CDC42EP5: variants seen among roughly 807,000 people sequenced by gnomAD.
The protein encoded by CDC42EP5 is CDC42 effector protein (Rho GTPase binding) 5.
For synonymous variants in CDC42EP5, 118 were observed against 123.3 expected, an observed-to-expected ratio of 0.96 and a Z score of 0.28; for missense variants, 269 against 238.0, an observed-to-expected ratio of 1.13 and a Z score of -0.86.
chr19:54,471,067 T>C (rs1251493145), intron 2 of CDC42EP5, among the ~76,000 whole-genome samples: 1 of 152,152 alleles, frequency 6.6e-6, no homozygotes, highest in African/African-American at 2.4e-5. Flanking sequence ...GGTTGAATTG[T>C]GTTTAAAGCA....
At chr19:54,467,068 G>C (rs1260496231) in intron 2 of CDC42EP5, among the ~76,000 whole-genome samples, 1 of 150,866 alleles carries the variant, frequency 6.6e-6, no homozygotes, top group Non-Finnish European at 1.5e-5. Flanking sequence ...TGGGATTACA[G>C]GCATGAGCCA....
chr19:54,468,133 A>G (rs999017028), intron 2 of CDC42EP5, among the ~76,000 whole-genome samples: 3 of 152,226 alleles, frequency 2.0e-5, no homozygotes, highest in African/African-American at 7.2e-5. Flanking sequence ...AGTGCTAACC[A>G]ATGGGTAATG....
At chr19:54,466,234 G>A (rs1353912370) in intron 2 of CDC42EP5, among the ~76,000 whole-genome samples, 1 of 152,058 alleles carries the variant, frequency 6.6e-6, no homozygotes, top group Non-Finnish European at 1.5e-5. Context: ...CTTGAGGCCA[G>A]GAGTTCGAGA....
chr19:54,470,444 A>C (rs1170893971), intron 2 of CDC42EP5, among the ~76,000 whole-genome samples: 1 of 150,090 alleles, frequency 6.7e-6, no homozygotes, highest in East Asian at 1.9e-4. Context: ...AGAGGGAGGG[A>C]AAAAAGGAAG....
chr19:54,466,937 T>TC (rs2084762829), intron 2 of CDC42EP5, among the ~76,000 whole-genome samples: 1 of 150,076 alleles, frequency 6.7e-6, no homozygotes, highest in African/African-American at 2.4e-5. Flanking sequence ...CCTGATCTTT[T>TC]TTTTTTTTTT....
chr19:54,465,691 A>C, intron 2 of CDC42EP5, 144 bp from the exon 3 acceptor site: 1 of 1,067,588 alleles, frequency 9.4e-7, no homozygotes, highest in East Asian at 3.3e-5. Flanking sequence ...GCTGGAGTTC[A>C]ATGGCGCCAT....
At position 54,465,038 on chromosome 19, in the gene CDC42EP5, C is replaced by T. The variant is rs1299416227; in HGVS notation, c.*63G>A. The T allele has an allele frequency of 3.2e-6, 4 of 1,241,092 alleles. No individual in the cohort carries two copies. Among genetic ancestry groups the T allele is most frequent in the Non-Finnish European group, 3.1e-6 (3 of 976,660 alleles). 76.9% of individuals were successfully genotyped at this position (1,241,092 alleles called of 1,614,324 possible). A position where few individuals can be genotyped will look rare whatever the true frequency, so the allele number is the denominator to read the frequency against. On this transcript the variant is annotated 3_prime_UTR_variant, in exon 3 of 3. Coordinates refer to ENST00000301200, the MANE Select transcript of CDC42EP5 (RefSeq NM_145057.4). ...GAAAAGTCAGAGCCCGGGCACACAC[C>T]TTGGCCGTTTATGTATACAGAAGTG...
At chr19:54,470,824 G>A (rs2084825420) in intron 2 of CDC42EP5, among the ~76,000 whole-genome samples, 1 of 152,094 alleles carries the variant, frequency 6.6e-6, no homozygotes, top group African/African-American at 2.4e-5. Context: ...AGGAGACTAC[G>A]GGCATGCCAC....
chr19:54,465,555 G>A lies in CDC42EP5; in HGVS notation c.1-8C>T. 1.3e-6 allele frequency: 2 copies of A among 1,503,930 alleles called. No homozygotes were observed. The highest frequency in any genetic ancestry group is 2.7e-5 in the East Asian group (1 of 36,946). 93.2% of individuals were successfully genotyped at this position (1,503,930 alleles called of 1,614,324 possible). On this transcript the variant is annotated splice_polypyrimidine_tract_variant and splice_region_variant and intron_variant, in intron 2 of 2. Coordinates refer to ENST00000301200, the MANE Select transcript of CDC42EP5 (RefSeq NM_145057.4). The stretch of plus-strand genomic sequence containing the variant: ...CTGCTTCAGCACGGGCATCTGCGAG[G>A]GGCACGGGAGGGTCAGCGCGGCCCC...
At chr19:54,472,943 G>A (rs1209341878) in intron 1 of CDC42EP5, 121 bp downstream of exon 1, 1 of 74,356 alleles carries the variant, frequency 1.3e-5, no homozygotes. Context: ...TCAGACTCAT[G>A]AGTCCAGACC....
chr19:54,465,373 C>CG lies in CDC42EP5; in HGVS notation c.174dup (p.Glu59ArgfsTer?). On this transcript the variant is annotated frameshift_variant, in exon 3 of 3. Transcript: ENST00000301200. LOFTEE classifies it low-confidence loss of function (END_TRUNC). The stretch of plus-strand genomic sequence containing the variant: ...GCCCCCGCGGGGGGCGCCCGGGGCT[C>CG]GGGGGGCGGCCCGCCGCCGTGGCGG... 1 of 1,164,514 alleles carries CG rather than the reference C, an allele frequency of 8.6e-7. No individual in the cohort carries two copies. The highest frequency in any genetic ancestry group is 1.1e-6 in the Non-Finnish European group (1 of 944,608). The allele number at this position is 1,164,514 out of a possible 1,614,324, so 72.1% of individuals were successfully genotyped here.
chr19:54,465,535 T>C lies in CDC42EP5; in HGVS notation c.13A>G (p.Lys5Glu). 6.5e-7 allele frequency: 1 copy of C among 1,535,478 alleles called. No individual in the cohort carries two copies. The highest frequency in any genetic ancestry group is 8.7e-7 in the Non-Finnish European group (1 of 1,152,996). The change falls in exon 3 of 3, where the codon AAG becomes GAG. Residue 5 changes from lysine to glutamate, a missense_variant. By Grantham distance (56) the Lys-to-Glu change is moderately conservative. Transcript: ENST00000301200. MPVL[K>E]QLGPAQPKKR... ...TTGGGCTGCGCGGGGCCCAGCTGCT[T>C]CAGCACGGGCATCTGCGAGGGGCAC...
chr19:54,472,753 C>T (rs2084862784), intron 1 of CDC42EP5, among the ~76,000 whole-genome samples: 1 of 95,578 alleles, frequency 1.0e-5, no homozygotes, highest in East Asian at 3.5e-4. Context: ...TCCCTCAGAC[C>T]CAGGAGTCCA....
rs1491162621 is a variant in CDC42EP5, at chr19:54,468,922, T to TCCTTC, written c.-1+2622_-1+2623insGAAGG. Among the ~76,000 whole-genome samples the TCCTTC allele has an allele frequency of 1.8e-4, 27 of 148,614 alleles. 1 individual carries two copies. The highest frequency in any genetic ancestry group is 2.5e-4 in the Non-Finnish European group (17 of 67,116). On this transcript the variant is annotated intron_variant, in intron 2 of 2. Transcript: ENST00000301200. ...TTCCTTCCTTCCTTCCTTCCTTCCT[T>TCCTTC]CTTTCTTTCTTTTCTTCCCTCCCTC...
At chr19:54,470,405 G>A (rs550090487) in intron 2 of CDC42EP5, among the ~76,000 whole-genome samples, 14 of 142,316 alleles carry the variant, frequency 9.8e-5, no homozygotes, top group South Asian at 6.7e-4. Flanking sequence ...GAGAGAGAGA[G>A]AAAAAGAGAG....
chr19:54,466,586 G>A (rs2084758432), intron 2 of CDC42EP5, among the ~76,000 whole-genome samples: 1 of 152,190 alleles, frequency 6.6e-6, no homozygotes, highest in African/African-American at 2.4e-5. Context: ...GCCCAGGTGG[G>A]CTTTGCCTAG....
chr19:54,465,543 G>C lies in CDC42EP5; in HGVS notation c.5C>G (p.Pro2Arg). MPVLKQLGPAQP... is the reference protein window; with the variant it reads MRVLKQLGPAQP... ...CGCGGGGCCCAGCTGCTTCAGCACG[G>C]GCATCTGCGAGGGGCACGGGAGGGT... is the stretch of plus-strand genomic sequence containing the variant. Residue 2 changes from proline (P) to arginine (R), a missense_variant, in exon 3 of 3, where the codon CCC becomes CGC. Physicochemically the swap from Pro to Arg is moderately radical, Grantham distance 103. Coordinates refer to ENST00000301200, the MANE Select transcript of CDC42EP5 (RefSeq NM_145057.4). 1.3e-6 allele frequency: 2 copies of C among 1,529,352 alleles called. No homozygotes were observed. Among genetic ancestry groups the C allele is most frequent in the Non-Finnish European group, 1.7e-6 (2 of 1,150,248 alleles). The allele number at this position is 1,529,352 out of a possible 1,614,324, so 94.7% of individuals were successfully genotyped here.
chr19:54,468,583 C>CGCA (rs985602774), intron 2 of CDC42EP5, among the ~76,000 whole-genome samples: 4 of 151,888 alleles, frequency 2.6e-5, no homozygotes, highest in Admixed American at 1.3e-4. Context: ...CTCACTCTGT[C>CGCA]ACCCAGCTGG....
At chr19:54,465,577 C>T in intron 2 of CDC42EP5, 30 bp from the exon 3 acceptor site, 4 of 1,441,166 alleles carry the variant, frequency 2.8e-6, no homozygotes, top group Non-Finnish European at 3.6e-6. Context: ...GTCAGCGCGG[C>T]CCCAGCCCGG....
Sources: gnomAD v4.1 joint callset for allele counts (sites outside exome capture counted in the v4.1 genomes callset) on GRCh38, gnomAD v4.1.1 for gene constraint, MANE v1.5 for transcripts, NCBI Gene and HGNC (gene_info 2026-07-23, HGNC 2026-07-21) for gene names.